Variants in CDH12 observed in about 807,000 individuals in gnomAD.
CDH12 encodes the protein cadherin-12.
CDH12 carries 41 observed loss-of-function variants against 74.1 expected under a neutral mutation model. The ratio of observed to expected loss-of-function variants is 0.55; its 90% CI spans 0.43 to 0.72. The LOEUF is 0.72. CDH12 is among the 30% of genes least tolerant of loss of function. The probability of loss-of-function intolerance (pLI) is 0.00; values close to 1 mark genes in which losing one functional copy is unlikely to be tolerated. For missense variants in CDH12, 945 were observed against 977.2 expected (o/e 0.97, Z 0.44); for synonymous variants, 399 against 355.0 (o/e 1.12, Z -1.39).
chr5:22,358,113 G>C (rs915252022), intron 3 of CDH12, among the ~76,000 whole-genome samples: 2 of 152,042 alleles, frequency 1.3e-5, no homozygotes, highest in African/African-American at 4.8e-5. Flanking sequence ...TTTCCTTAAA[G>C]AATACTAATG....
chr5:22,611,485 T>A (rs758240604), intron 1 of CDH12, among the ~76,000 whole-genome samples: 15 of 151,984 alleles, frequency 9.9e-5, no homozygotes, highest in Non-Finnish European at 1.8e-4. Flanking sequence ...AGTCTCTAAG[T>A]TTGAGAAGTT....
At position 21,975,143 on chromosome 5, in the gene CDH12, T is replaced by C. The variant is rs918983585; in HGVS notation, c.474A>G (p.Pro158=). The C allele has an allele frequency of 6.3e-7, 1 of 1,597,290 alleles. No individual in the cohort carries two copies. The highest frequency in any genetic ancestry group is 8.5e-7 in the Non-Finnish European group (1 of 1,179,600). ...IKVQDINDNE[P]KFLDGPYVAT... ...CAACATAAGGTCCATCCAAAAACTT[T>C]GGCTCATTATCATTAATATCCTGCA... The change falls in exon 6 of 15, where the codon CCA becomes CCG. Residue 158 remains proline (P), a synonymous_variant. Coordinates refer to ENST00000382254, the MANE Select transcript of CDH12 (RefSeq NM_004061.5).
chr5:21,872,574 G>A (rs1751682033), intron 6 of CDH12, among the ~76,000 whole-genome samples: 1 of 152,106 alleles, frequency 6.6e-6, no homozygotes, highest in South Asian at 2.1e-4. Context: ...TACTCACTCA[G>A]GGGCTCTCAG....
chr5:22,234,698 TTATG>T (rs1752502735), intron 3 of CDH12, among the ~76,000 whole-genome samples: 1 of 151,948 alleles, frequency 6.6e-6, no homozygotes, highest in African/African-American at 2.4e-5. Flanking sequence ...ATATATATAT[TTATG>T]TATGTATGTG....
chr5:21,807,421 T>C (rs575287516), intron 9 of CDH12, among the ~76,000 whole-genome samples: 3 of 152,088 alleles, frequency 2.0e-5, no homozygotes, highest in African/African-American at 7.2e-5. Context: ...GAGAATTGGT[T>C]TTGTCTGTGC....
At chr5:22,498,901 C>CTTTT (rs34550762) in intron 2 of CDH12, among the ~76,000 whole-genome samples, 285 of 73,322 alleles carry the variant, frequency 3.9e-3, no homozygotes, top group Middle Eastern at 0.019. Context: ...TTTTCTGTTT[C>CTTTT]TTTTTTTTTT....
intron 1 of CDH12, among the ~76,000 whole-genome samples, chr5:22,687,167 G>A (rs995000546): frequency 9.2e-5 from 14 of 152,192 alleles, no homozygotes; most frequent in East Asian, 1.9e-4. Flanking sequence ...GATGGCCTGT[G>A]CCTGTAATCC....
At chr5:21,770,111 C>G (rs994906867) in intron 11 of CDH12, among the ~76,000 whole-genome samples, 5 of 152,052 alleles carry the variant, frequency 3.3e-5, no homozygotes, top group Admixed American at 2.6e-4. Context: ...ATCTAGCCAC[C>G]AGGCTATGAG....
At chr5:21,911,874 G>C (rs562726704) in intron 6 of CDH12, among the ~76,000 whole-genome samples, 2 of 152,008 alleles carry the variant, frequency 1.3e-5, no homozygotes, top group African/African-American at 4.8e-5. Flanking sequence ...CCATTAAAAA[G>C]TTTATAACAT....
At chr5:22,425,073 TATATAGAGAG>T (rs1217709782) in intron 2 of CDH12, among the ~76,000 whole-genome samples, 2 of 103,786 alleles carry the variant, frequency 1.9e-5, no homozygotes, top group African/African-American at 9.5e-5. Flanking sequence ...TATATATATA[TATATAGAGAG>T]AGAGAGAGAG....
chr5:21,751,745 C>G lies in CDH12; in HGVS notation c.2377G>C (p.Val793Leu). 1 of 1,610,648 alleles carries G rather than the reference C, an allele frequency of 6.2e-7. No individual in the cohort carries two copies. The highest frequency in any genetic ancestry group is 8.5e-7 in the Non-Finnish European group (1 of 1,178,522). The change falls in exon 15 of 15, where the codon GTC (valine) becomes CTC (leucine). Residue 793 changes from valine (V) to leucine (L), a missense_variant. Val to Leu is a conservative substitution (Grantham distance 32). Transcript: ENST00000382254. ...GEEESYNPDKVT is the reference protein window; with the variant it reads ...GEEESYNPDKLT ...TAGCCTCCACGACTCCCTTAAGTGA[C>G]TTTATCAGGGTTATAACTCTCTTCT...
chr5:22,413,748 C>A (rs1233338949), intron 2 of CDH12, among the ~76,000 whole-genome samples: 1 of 151,938 alleles, frequency 6.6e-6, no homozygotes, highest in African/African-American at 2.4e-5. Flanking sequence ...ATTCACATTA[C>A]TTTATCAGCT....
chr5:22,628,270 T>C (rs269002), intron 1 of CDH12, among the ~76,000 whole-genome samples: 51,432 of 151,890 alleles, frequency 0.34, 9,174 homozygotes, highest in African/African-American at 0.44. Flanking sequence ...TCTAAAGAAC[T>C]CTCCATCCAA....
At chr5:22,223,335 C>T (rs1383805892) in intron 3 of CDH12, among the ~76,000 whole-genome samples, 1 of 151,940 alleles carries the variant, frequency 6.6e-6, no homozygotes, top group Non-Finnish European at 1.5e-5. Flanking sequence ...CTGGCATAAT[C>T]TCTTGCGCAT....
chr5:22,161,313 T>C (rs1366363744), intron 4 of CDH12, among the ~76,000 whole-genome samples: 4 of 152,110 alleles, frequency 2.6e-5, no homozygotes, highest in Admixed American at 6.5e-5. Flanking sequence ...TTAAGAATCC[T>C]TATGAAAAAA....
chr5:22,310,804 T>C (rs779362173), intron 3 of CDH12, among the ~76,000 whole-genome samples: 49 of 152,160 alleles, frequency 3.2e-4, no homozygotes, highest in Non-Finnish European at 6.0e-4. Context: ...CTGGGCTCTT[T>C]CTAATCTGAT....
intron 3 of CDH12, among the ~76,000 whole-genome samples, chr5:22,303,397 T>A (rs1367011643): frequency 6.6e-6 from 1 of 152,098 alleles, no homozygotes. Flanking sequence ...AACAAAACAC[T>A]TGAAAGTGTT....
chr5:22,362,301 A>G (rs981315731), intron 3 of CDH12, among the ~76,000 whole-genome samples: 1 of 152,238 alleles, frequency 6.6e-6, no homozygotes, highest in African/African-American at 2.4e-5. Context: ...AAAAGAAGAC[A>G]TCTATGCAGC....
intron 9 of CDH12, among the ~76,000 whole-genome samples, chr5:21,814,915 A>T (rs1273967130): frequency 6.6e-6 from 1 of 151,934 alleles, no homozygotes; most frequent in Non-Finnish European, 1.5e-5. Context: ...GGACTAAAAG[A>T]AAAAGAGAAA....
Sources: allele counts gnomAD v4.1 joint callset (sites outside exome capture counted in the v4.1 genomes callset), GRCh38; gene constraint gnomAD v4.1.1; transcripts MANE v1.5; gene names NCBI Gene and HGNC (gene_info 2026-07-23, HGNC 2026-07-21).